SDK1: variants seen among roughly 807,000 people sequenced by gnomAD.
SDK1 encodes protein sidekick-1.
A neutral mutation model predicts 245.5 loss-of-function variants in SDK1; 157 were observed. The ratio of observed to expected loss-of-function variants is 0.64; its 90% CI spans 0.56 to 0.73. SDK1 has a LOEUF of 0.73. Among genes scored for constraint, SDK1 ranks in the 30% least tolerant of loss-of-function variants. SDK1 has a pLI of 0.00. For synonymous variants in SDK1, 1,647 were observed against 1,278.5 expected, an observed-to-expected ratio of 1.29 and a Z score of -6.15; for missense variants, 3,583 against 3,002.3, an observed-to-expected ratio of 1.19 and a Z score of -4.52.
chr7:3,688,827 G>A (rs551283272), intron 4 of SDK1, among the ~76,000 whole-genome samples: 6 of 152,090 alleles, frequency 3.9e-5, no homozygotes, highest in African/African-American at 9.7e-5. Context: ...GGCACACACC[G>A]CTCATGGCCA....
chr7:3,501,163 C>A (rs764923288), intron 1 of SDK1, among the ~76,000 whole-genome samples: 9 of 152,140 alleles, frequency 5.9e-5, no homozygotes, highest in Non-Finnish European at 1.3e-4. Flanking sequence ...CATATTATTT[C>A]ATTGCAGGGT....
chr7:4,244,235 A>C (rs1158684058), intron 43 of SDK1, among the ~76,000 whole-genome samples: 1 of 152,080 alleles, frequency 6.6e-6, no homozygotes, highest in African/African-American at 2.4e-5. Context: ...CCATTGAGGG[A>C]TGAGAAGACA....
intron 9 of SDK1, among the ~76,000 whole-genome samples, chr7:3,966,355 C>A (rs1782080806): frequency 6.6e-6 from 1 of 152,114 alleles, no homozygotes; most frequent in Non-Finnish European, 1.5e-5. Flanking sequence ...AGCCCAGGGA[C>A]CCTCACAGAA....
At chr7:3,834,594 C>T (rs1036909060) in intron 5 of SDK1, among the ~76,000 whole-genome samples, 1 of 152,182 alleles carries the variant, frequency 6.6e-6, no homozygotes. Flanking sequence ...CCGGGAACTG[C>T]CATAACCACC....
intron 28 of SDK1, among the ~76,000 whole-genome samples, chr7:4,140,704 A>G (rs1274079502): frequency 1.5e-4 from 23 of 152,130 alleles, no homozygotes; most frequent in Admixed American, 1.5e-3. Context: ...TGTGAAATGG[A>G]AACAGGAATA....
intron 1 of SDK1, among the ~76,000 whole-genome samples, chr7:3,580,717 C>G (rs1004005307): frequency 6.6e-6 from 1 of 151,942 alleles, no homozygotes; most frequent in Non-Finnish European, 1.5e-5. Context: ...GCCTGTAATC[C>G]CAGCATTTTG....
At chr7:4,107,655 C>T (rs1783027559) in intron 22 of SDK1, among the ~76,000 whole-genome samples, 1 of 152,172 alleles carries the variant, frequency 6.6e-6, no homozygotes, top group Non-Finnish European at 1.5e-5. Flanking sequence ...AGGCACTTTG[C>T]ACCCAGTAAA....
At chr7:4,065,453 G>C (rs892784268) in intron 19 of SDK1, among the ~76,000 whole-genome samples, 2 of 131,752 alleles carry the variant, frequency 1.5e-5, no homozygotes, top group Admixed American at 1.4e-4. Context: ...CCAGGAAGCA[G>C]AAACATAATA....
chr7:3,409,057 C>G (rs1038101380), intron 1 of SDK1, among the ~76,000 whole-genome samples: 4 of 152,170 alleles, frequency 2.6e-5, no homozygotes, highest in African/African-American at 9.7e-5. Context: ...AATGGCATAA[C>G]TGTGGTTAGC....
At chr7:3,848,827 A>G (rs1780346702) in intron 5 of SDK1, among the ~76,000 whole-genome samples, 1 of 152,006 alleles carries the variant, frequency 6.6e-6, no homozygotes, top group Non-Finnish European at 1.5e-5. Context: ...GTGCGTCACC[A>G]TGCCTAGCAA....
intron 20 of SDK1, among the ~76,000 whole-genome samples, chr7:4,069,090 A>T (rs1780079489): frequency 6.6e-6 from 1 of 152,218 alleles, no homozygotes; most frequent in African/African-American, 2.4e-5. Context: ...TCAAAAAAAA[A>T]ATCTTGGTTT....
At chr7:4,052,381 T>C (rs1778924352) in intron 19 of SDK1, among the ~76,000 whole-genome samples, 1 of 151,806 alleles carries the variant, frequency 6.6e-6, no homozygotes, top group Admixed American at 6.6e-5. Context: ...CACACAAAGA[T>C]TTATATATAT....
chr7:3,584,671 G>C (rs368500923), intron 1 of SDK1, among the ~76,000 whole-genome samples: 1 of 152,116 alleles, frequency 6.6e-6, no homozygotes, highest in South Asian at 2.1e-4. Flanking sequence ...CGCTGAGTGA[G>C]CTGGTGTGTT....
At chr7:4,036,339 T>G (rs1052065836) in intron 17 of SDK1, among the ~76,000 whole-genome samples, 6 of 152,256 alleles carry the variant, frequency 3.9e-5, no homozygotes, top group African/African-American at 1.4e-4. Flanking sequence ...AATGGTTTTG[T>G]GATCGTGTAA....
chr7:3,901,741 A>G (rs1041098428), intron 5 of SDK1, among the ~76,000 whole-genome samples: 2 of 152,164 alleles, frequency 1.3e-5, no homozygotes, highest in Admixed American at 1.3e-4. Flanking sequence ...TATTACCACG[A>G]TGTTTGTGTC....
intron 23 of SDK1, among the ~76,000 whole-genome samples, chr7:4,111,586 GA>G (rs1783354898): frequency 6.6e-6 from 1 of 151,576 alleles, no homozygotes; most frequent in Admixed American, 6.6e-5. Flanking sequence ...CATCCTTCAG[GA>G]GCTTAGAACA....
chr7:3,644,317 A>G (rs1424112469), intron 4 of SDK1, among the ~76,000 whole-genome samples: 2 of 151,552 alleles, frequency 1.3e-5, no homozygotes, highest in African/African-American at 2.4e-5. Flanking sequence ...ACCTTAGAAG[A>G]TGGGATAATT....
At chr7:4,150,762 T>C (rs1780312754) in intron 30 of SDK1, among the ~76,000 whole-genome samples, 1 of 152,096 alleles carries the variant, frequency 6.6e-6, no homozygotes, top group Non-Finnish European at 1.5e-5. Flanking sequence ...GGAGTGTGGG[T>C]GTAACTGGTC....
At chr7:3,412,895 C>T (rs1025673906) in intron 1 of SDK1, among the ~76,000 whole-genome samples, 3 of 152,254 alleles carry the variant, frequency 2.0e-5, no homozygotes, top group South Asian at 2.1e-4. Context: ...GATTAAGCCA[C>T]GTGGTACATA....
Sources: allele counts gnomAD v4.1 joint callset (sites outside exome capture counted in the v4.1 genomes callset), GRCh38; gene constraint gnomAD v4.1.1; transcripts MANE v1.5; gene names NCBI Gene and HGNC (gene_info 2026-07-23, HGNC 2026-07-21).